The following KDM1A variants were observed in gnomAD, a reference collection of about 807,000 sequenced individuals.
KDM1A encodes lysine demethylase 1A, also known as lysine-specific histone demethylase 1A.
Under a neutral mutation model 109.4 loss-of-function variants are expected in KDM1A, and 49 were observed. That is an observed-to-expected ratio of 0.45 (90% CI 0.36 to 0.57). The LOEUF (loss-of-function observed/expected upper bound fraction) is 0.57. Ranked by LOEUF, KDM1A falls within the 20% of genes least tolerant of loss-of-function variation. The pLI is 0.00. For synonymous variants in KDM1A, 380 were observed against 415.4 expected (o/e 0.91, Z 1.04); for missense variants, 668 against 1,116.6 (o/e 0.60, Z 5.73).
At position 23,019,527 on chromosome 1, in the gene KDM1A, A is replaced by G. The variant is rs555587433; in HGVS notation, c.-70A>G. The G allele has an allele frequency of 2.6e-5, 34 of 1,330,714 alleles. 1 individual carries two copies. The South Asian group carries it at 7.1e-4, about 28-fold the overall frequency. The allele number at this position is 1,330,714 out of a possible 1,614,324, so 82.4% of individuals were successfully genotyped here. ...CGGGCAGCGTGAAGCGAGGCGAGGCAAGGCTTTTCGGACCCACGGAGCGAC... is the reference window on the plus strand; with the variant it reads ...CGGGCAGCGTGAAGCGAGGCGAGGCGAGGCTTTTCGGACCCACGGAGCGAC... On this transcript the variant is annotated 5_prime_UTR_variant, in exon 1 of 21. Coordinates refer to ENST00000400181, the MANE Select transcript of KDM1A (RefSeq NM_001009999.3).
intron 2 of KDM1A, among the ~76,000 whole-genome samples, chr1:23,040,952 A>C (rs190159678): frequency 6.6e-6 from 1 of 152,282 alleles, no homozygotes; most frequent in African/African-American, 2.4e-5. Flanking sequence ...TTCTGTTTTG[A>C]ATTTGCACTC....
intron 9 of KDM1A, among the ~76,000 whole-genome samples, chr1:23,064,230 G>A (rs187939306): frequency 2.6e-3 from 393 of 152,250 alleles, no homozygotes; most frequent in Middle Eastern, 6.8e-3. Flanking sequence ...GGATATATTC[G>A]CCCTATGGGG....
chr1:23,075,560 G>C (rs1402418516), intron 15 of KDM1A, among the ~76,000 whole-genome samples: 1 of 107,682 alleles, frequency 9.3e-6, no homozygotes, highest in Non-Finnish European at 2.0e-5. Flanking sequence ...AACAGAGCAA[G>C]ACTCCATCTC....
chr1:23,024,215 C>A (rs916554388), intron 1 of KDM1A, among the ~76,000 whole-genome samples: 7 of 152,016 alleles, frequency 4.6e-5, no homozygotes, highest in African/African-American at 1.7e-4. Flanking sequence ...GTTTTTTAAT[C>A]CCCCATTGTA....
chr1:23,083,441 T>G lies in KDM1A; in HGVS notation c.*77T>G, dbSNP rs1643680759. On this transcript the variant is annotated 3_prime_UTR_variant, in exon 21 of 21. Transcript: ENST00000400181. ...GGAAGGCTCTTCTAGCAATACTAGA[T>G]CCCACTGAGAAAATCCACCCTGGCA... The G allele has an allele frequency of 5.7e-6, 8 of 1,406,752 alleles. No individual in the cohort carries two copies. Among genetic ancestry groups the G allele is most frequent in the Non-Finnish European group, 3.8e-6 (4 of 1,051,170 alleles). The allele number at this position is 1,406,752 out of a possible 1,614,324, so 87.1% of individuals were successfully genotyped here.
intron 18 of KDM1A, 105 bp from the exon 19 acceptor site, chr1:23,081,341 T>C (rs1643616295): frequency 7.7e-7 from 1 of 1,306,336 alleles, no homozygotes; most frequent in Non-Finnish European, 1.1e-6. Context: ...TGCGTGTGTC[T>C]TGTCATCAGA....
At chr1:23,064,037 C>T (rs1444639492) in intron 9 of KDM1A, among the ~76,000 whole-genome samples, 2 of 151,998 alleles carry the variant, frequency 1.3e-5, no homozygotes, top group Non-Finnish European at 2.9e-5. Context: ...CAGGCACACA[C>T]CCCTACACCT....
At chr1:23,071,395 G>T in intron 13 of KDM1A, 36 bp downstream of exon 13, 1 of 1,558,984 alleles carries the variant, frequency 6.4e-7, no homozygotes, top group African/African-American at 1.4e-5. Flanking sequence ...GGTTTTACTT[G>T]GAATCCTAAG....
At chr1:23,056,763 A>G (rs78127835) in intron 7 of KDM1A, among the ~76,000 whole-genome samples, 5,857 of 150,538 alleles carry the variant, frequency 0.039, 391 homozygotes, top group African/African-American at 0.14. Flanking sequence ...ATTCCTACCC[A>G]TGAGGAGTTT....
chr1:23,056,579 AATG>A (rs755934734), intron 7 of KDM1A, among the ~76,000 whole-genome samples: 7 of 152,226 alleles, frequency 4.6e-5, no homozygotes, highest in Non-Finnish European at 7.4e-5. Flanking sequence ...TTTGAAATCT[AATG>A]ATCTTCTAAT....
At chr1:23,078,264 C>T (rs1643522918) in intron 16 of KDM1A, among the ~76,000 whole-genome samples, 1 of 152,152 alleles carries the variant, frequency 6.6e-6, no homozygotes, top group Non-Finnish European at 1.5e-5. Context: ...GAGCCTTTTG[C>T]AGGCAGACGG....
chr1:23,040,850 T>C (rs2124415726), intron 2 of KDM1A, among the ~76,000 whole-genome samples: 1 of 152,262 alleles, frequency 6.6e-6, no homozygotes, highest in African/African-American at 2.4e-5. Context: ...TTTGTAGGTT[T>C]GGTGGTTTGG....
intron 1 of KDM1A, 95 bp downstream of exon 1, chr1:23,020,042 T>G: frequency 7.7e-7 from 1 of 1,292,132 alleles, no homozygotes; most frequent in Non-Finnish European, 1.0e-6. Flanking sequence ...TCTTGGGCCC[T>G]GCGACCACTC....
intron 4 of KDM1A, among the ~76,000 whole-genome samples, chr1:23,053,112 G>A (rs946726264): frequency 6.6e-6 from 1 of 152,086 alleles, no homozygotes; most frequent in Non-Finnish European, 1.5e-5. Context: ...ATATCTAGTT[G>A]ATCATTAGAT....
At chr1:23,022,253 T>C (rs1261905495) in intron 1 of KDM1A, among the ~76,000 whole-genome samples, 1 of 152,176 alleles carries the variant, frequency 6.6e-6, no homozygotes, top group Non-Finnish European at 1.5e-5. Flanking sequence ...CAGTTTCCCA[T>C]AGCAGCTGCA....
intron 2 of KDM1A, among the ~76,000 whole-genome samples, chr1:23,036,655 C>T (rs1642155275): frequency 6.6e-6 from 1 of 151,972 alleles, no homozygotes; most frequent in South Asian, 2.1e-4. Context: ...ACACGGTCCC[C>T]ACTCTCAGAT....
chr1:23,065,048 T>C (rs769020964), intron 9 of KDM1A, among the ~76,000 whole-genome samples: 1 of 152,248 alleles, frequency 6.6e-6, no homozygotes, highest in Non-Finnish European at 1.5e-5. Context: ...TGCCTTCTAA[T>C]GTGGTACTTA....
rs1259275386 is a variant in KDM1A at position 23,019,711 on chromosome 1, G to C, written c.115G>C (p.Ala39Pro). The change falls in exon 1 of 21, where the codon GCG (alanine) becomes CCG (proline). Residue 39 changes from alanine to proline, a missense_variant. By Grantham distance (27) the Ala-to-Pro change is conservative. Transcript: ENST00000400181. ...CTCCGAGAACGGGTCTGAGGTGGCC[G>C]CGCAGCCCGCGGGCCTGTCGGGCCC... ...GGSENGSEVA[A>P]QPAGLSGPAE... The C allele has an allele frequency of 7.5e-7, 1 of 1,325,022 alleles. No homozygotes were observed. The allele number at this position is 1,325,022 out of a possible 1,614,324, so 82.1% of individuals were successfully genotyped here.
At position 23,019,621 on chromosome 1, in the gene KDM1A, G is replaced by A; in HGVS notation, c.25G>A (p.Ala9Thr). The change falls in exon 1 of 21, where the codon GCC (alanine) becomes ACC (threonine). Residue 9 changes from alanine (A) to threonine (T), a missense_variant. Coordinates refer to ENST00000400181, the MANE Select transcript of KDM1A (RefSeq NM_001009999.3). Reference sequence around the variant, plus strand: ...GATGTTATCTGGGAAGAAGGCGGCAGCCGCGGCGGCGGCGGCTGCAGCGGC... The same window carrying A: ...GATGTTATCTGGGAAGAAGGCGGCAACCGCGGCGGCGGCGGCTGCAGCGGC... Reference protein sequence around the residue: MLSGKKAAAAAAAAAAAAT... With the variant: MLSGKKAATAAAAAAAAAT... 7.0e-7 allele frequency: 1 copy of A among 1,420,502 alleles called. No individual in the cohort carries two copies. Among genetic ancestry groups the A allele is most frequent in the Non-Finnish European group, 9.1e-7 (1 of 1,096,602 alleles). The allele number at this position is 1,420,502 out of a possible 1,614,324, so 88.0% of individuals were successfully genotyped here.
Sources: gnomAD v4.1 joint callset for allele counts (sites outside exome capture counted in the v4.1 genomes callset) on GRCh38, gnomAD v4.1.1 for gene constraint, MANE v1.5 for transcripts, NCBI Gene and HGNC (gene_info 2026-07-23, HGNC 2026-07-21) for gene names.